PEDS1: variants seen among roughly 807,000 people sequenced by gnomAD.
PEDS1 encodes the protein plasmanylethanolamine desaturase 1, also known as CarF homolog.
PEDS1 carries 14 observed loss-of-function variants against 35.2 expected under a neutral mutation model. That is an observed-to-expected ratio of 0.40 (90% confidence interval 0.26 to 0.62). The LOEUF is 0.62. Ranked by LOEUF, PEDS1 falls within the 20% of genes least tolerant of loss-of-function variation. The probability of loss-of-function intolerance (pLI) is 0.44; values close to 1 mark genes in which losing one functional copy is unlikely to be tolerated. For missense variants in PEDS1, 260 were observed against 367.8 expected (o/e 0.71, Z 2.40); for synonymous variants, 152 against 152.0 (o/e 1.00, Z 0.00).
intron 2 of PEDS1, among the ~76,000 whole-genome samples, chr20:50,135,672 A>AAAAAAAC (rs2081227043): frequency 6.6e-6 from 1 of 151,158 alleles, no homozygotes; most frequent in Non-Finnish European, 1.5e-5. Context: ...AAAAAAAAAA[A>AAAAAAAC]AAAAAAAAAA....
Position 50,128,738 on chromosome 20 carries a change from T to C in PEDS1, c.479-551A>G, listed in dbSNP as rs1424604889. On this transcript the variant is annotated intron_variant, in intron 4 of 5. Transcript: ENST00000371652. This position sits in a 1 kb window ranked among gnomAD's most constrained non-coding sequence, Gnocchi z 5.2. ...CTCAGTCTGTTCCTGCAAGGAGCTC[T>C]GAGGTGTTAACGGCTCTTTAGAATT... Among the ~76,000 whole-genome samples, 2 of 152,186 alleles carry C rather than the reference T, an allele frequency of 1.3e-5. No individual in the cohort carries two copies. Among genetic ancestry groups the C allele is most frequent in the Non-Finnish European group, 2.9e-5 (2 of 68,020 alleles).
rs2081138792 is a variant in PEDS1, at chr20:50,128,632, G to C, written c.479-445C>G. Among the ~76,000 whole-genome samples the C allele has an allele frequency of 6.6e-6, 1 of 152,160 alleles. No individual in the cohort carries two copies. The highest frequency in any genetic ancestry group is 2.1e-4 in the South Asian group (1 of 4,836). ...GTGATTTATCAAGGGAGCCTCTTCA[G>C]GAAAAAACCTCGAAGGGAGGGAGGG... On this transcript the variant is annotated intron_variant, in intron 4 of 5. Coordinates refer to ENST00000371652, the MANE Select transcript of PEDS1 (RefSeq NM_199129.4). The surrounding 1 kb of genome is among the most constrained non-coding windows in gnomAD (Gnocchi z 5.2).
rs769612057 is a variant in PEDS1 at position 50,128,226 on chromosome 20, C to G, written c.479-39G>C. On this transcript the variant is annotated intron_variant, in intron 4 of 5. Transcript: ENST00000371652. The surrounding 1 kb of genome is among the most constrained non-coding windows in gnomAD (Gnocchi z 5.2). ...AGAGGGGGGGCCGGCACAGCTGTCA[C>G]TCGGGACGGGGAACCCACCCCAAAT... is the stretch of plus-strand genomic sequence containing the variant. The G allele has an allele frequency of 6.2e-7, 1 of 1,610,306 alleles. No individual in the cohort carries two copies. Among genetic ancestry groups the G allele is most frequent in the Non-Finnish European group, 8.5e-7 (1 of 1,178,418 alleles).
intron 2 of PEDS1, among the ~76,000 whole-genome samples, chr20:50,140,259 G>A (rs998016053): frequency 6.6e-6 from 1 of 152,192 alleles, no homozygotes; most frequent in African/African-American, 2.4e-5. Flanking sequence ...CCTTAGGTCT[G>A]GGCTGCCATC....
intron 2 of PEDS1, among the ~76,000 whole-genome samples, chr20:50,139,679 CTTTTT>C (rs11479032): frequency 7.3e-6 from 1 of 137,316 alleles, no homozygotes; most frequent in African/African-American, 2.7e-5. Flanking sequence ...GGATTTCTTT[CTTTTT>C]TTTTTTTTTT....
chr20:50,152,541 G>T (rs139185066), intron 1 of PEDS1, among the ~76,000 whole-genome samples: 1 of 150,362 alleles, frequency 6.7e-6, no homozygotes, highest in Non-Finnish European at 1.5e-5. Context: ...GGCTCACGTA[G>T]GAGTCACAAA....
chr20:50,131,272 C>A (rs968115714), intron 2 of PEDS1: 10 of 608,680 alleles, frequency 1.6e-5, no homozygotes, highest in Admixed American at 2.8e-5. Flanking sequence ...AAAGCCTGCT[C>A]TGCACCAGTG....
Position 50,120,305 on chromosome 20 carries a change from A to G in PEDS1, c.*4753T>C, listed in dbSNP as rs1034272998. The stretch of plus-strand genomic sequence containing the variant: ...CAAACAAACAAACAAACAACCCACA[A>G]AAGCTTCTGAGCTATAGAAAAGCAA... On this transcript the variant is annotated 3_prime_UTR_variant, in exon 6 of 6. Transcript: ENST00000371652. The G allele has an allele frequency of 2.0e-4, 42 of 207,938 alleles. No homozygotes were observed. The highest frequency in any genetic ancestry group is 3.2e-4 in the Non-Finnish European group (32 of 100,828). 12.9% of individuals were successfully genotyped at this position (207,938 alleles called of 1,614,324 possible).
rs1299839174 is a variant in PEDS1 at position 50,143,492 on chromosome 20, G to A, written c.241+10C>T. The A allele has an allele frequency of 5.0e-6, 8 of 1,598,704 alleles. No homozygotes were observed. The highest frequency in any genetic ancestry group is 4.0e-5 in the African/African-American group (3 of 74,782). On this transcript the variant is annotated intron_variant, in intron 2 of 5. Coordinates refer to ENST00000371652, the MANE Select transcript of PEDS1 (RefSeq NM_199129.4). ...AAGTTGAGGCAGGCAGCAGTGCCTCGGGCACTCACCAACACCGAGTATGAC... is the reference window on the plus strand; with the variant it reads ...AAGTTGAGGCAGGCAGCAGTGCCTCAGGCACTCACCAACACCGAGTATGAC...
chr20:50,128,273 G>GGCGGCTCCTGA lies in PEDS1; in HGVS notation c.479-97_479-87dup. On this transcript the variant is annotated intron_variant, in intron 4 of 5. Coordinates refer to ENST00000371652, the MANE Select transcript of PEDS1 (RefSeq NM_199129.4). The surrounding 1 kb of genome is among the most constrained non-coding windows in gnomAD (Gnocchi z 5.2). ...AAATGGCCCTCACCACCTGCTCCTG[G>GGCGGCTCCTGA]GCGGCTCCTGAGCTGGGCAAGCACC... 3 of 1,517,938 alleles carry GGCGGCTCCTGA rather than the reference G, an allele frequency of 2.0e-6. No individual in the cohort carries two copies. Among genetic ancestry groups the GGCGGCTCCTGA allele is most frequent in the Non-Finnish European group, 1.8e-6 (2 of 1,121,018 alleles). The allele number at this position is 1,517,938 out of a possible 1,614,324, so 94.0% of individuals were successfully genotyped here.
At chr20:50,139,540 G>GC (rs2147290221) in intron 2 of PEDS1, among the ~76,000 whole-genome samples, 1 of 151,268 alleles carries the variant, frequency 6.6e-6, no homozygotes, top group South Asian at 2.1e-4. Flanking sequence ...CATCTCCCTG[G>GC]CAGCGCCATC....
chr20:50,123,054 ACTTTAGC>A lies in PEDS1; in HGVS notation c.*1997_*2003del, dbSNP rs1224095920. The A allele has an allele frequency of 6.6e-6, 1 of 152,128 alleles. No individual in the cohort carries two copies. Among genetic ancestry groups the A allele is most frequent in the Non-Finnish European group, 1.5e-5 (1 of 68,048 alleles). 9.4% of individuals were successfully genotyped at this position (152,128 alleles called of 1,614,324 possible). On this transcript the variant is annotated 3_prime_UTR_variant, in exon 6 of 6. Transcript: ENST00000371652. The stretch of plus-strand genomic sequence containing the variant: ...GTGAGCTATTACACCTCACCTCTGC[ACTTTAGC>A]CTGGGTGACAGAGCATGACCCTGTC...
At chr20:50,137,030 CA>C (rs201264190) in intron 2 of PEDS1, among the ~76,000 whole-genome samples, 1 of 148,418 alleles carries the variant, frequency 6.7e-6, no homozygotes, top group African/African-American at 2.5e-5. Context: ...GACTTCATCT[CA>C]AAAAAAAAGG....
At chr20:50,134,839 T>C (rs1327595252) in intron 2 of PEDS1, among the ~76,000 whole-genome samples, 1 of 152,192 alleles carries the variant, frequency 6.6e-6, no homozygotes, top group Non-Finnish European at 1.5e-5. Context: ...CAGGTTAAGA[T>C]AGAGATTCTA....
intron 2 of PEDS1, among the ~76,000 whole-genome samples, chr20:50,139,157 T>C (rs1387039035): frequency 6.6e-6 from 1 of 152,134 alleles, no homozygotes; most frequent in African/African-American, 2.4e-5. Flanking sequence ...CTGGGACTTC[T>C]CTGACCTCAT....
At chr20:50,133,369 G>A (rs1453395808) in intron 2 of PEDS1, among the ~76,000 whole-genome samples, 1 of 152,156 alleles carries the variant, frequency 6.6e-6, no homozygotes, top group Non-Finnish European at 1.5e-5. Flanking sequence ...AGGGCAGGTG[G>A]GGACAGGTGG....
rs764210921 is a variant in PEDS1 at position 50,124,862 on chromosome 20, G to GAA, written c.*194_*195dup. 2.1e-3 allele frequency: 1,101 copies of GAA among 523,142 alleles called. No homozygotes were observed. The highest frequency in any genetic ancestry group is 2.4e-3 in the Middle Eastern group (4 of 1,640). The allele number at this position is 523,142 out of a possible 1,614,324, so 32.4% of individuals were successfully genotyped here. A position where few individuals can be genotyped will look rare whatever the true frequency, so the allele number is the denominator to read the frequency against. On this transcript the variant is annotated 3_prime_UTR_variant, in exon 6 of 6. Coordinates refer to ENST00000371652, the MANE Select transcript of PEDS1 (RefSeq NM_199129.4). ...CTCAGGTGGCTGAGGAGGGGCCGAG[G>GAA]AAAAAAAAAAAAAAGAAATGAAAAA...
chr20:50,150,629 A>G (rs2081392785), intron 1 of PEDS1, among the ~76,000 whole-genome samples: 1 of 152,188 alleles, frequency 6.6e-6, no homozygotes, highest in Non-Finnish European at 1.5e-5. Flanking sequence ...ACCACTGGGC[A>G]CGTGAGACAG....
chr20:50,139,491 CCCTCCCTGGTTCTCCCCCGA>C (rs1283593113), intron 2 of PEDS1, among the ~76,000 whole-genome samples: 10 of 151,774 alleles, frequency 6.6e-5, no homozygotes, highest in South Asian at 2.1e-4. Context: ...CCCCTGCAAG[CCCTCCCTGGTTCTCCCCCGA>C]CCTCCCTGGT....
Sources: allele counts gnomAD v4.1 joint callset (sites outside exome capture counted in the v4.1 genomes callset), GRCh38; gene constraint gnomAD v4.1.1; non-coding constraint Gnocchi (gnomAD v3.1); transcripts MANE v1.5; gene names NCBI Gene and HGNC (gene_info 2026-07-23, HGNC 2026-07-21).